The following ARHGAP24 variants were observed in gnomAD, a reference collection of about 807,000 sequenced individuals.
ARHGAP24 encodes Rho GTPase activating protein 24, also known as rho GTPase-activating protein 24.
Under a neutral mutation model 76.4 loss-of-function variants are expected in ARHGAP24, and 50 were observed. The ratio of observed to expected loss-of-function variants is 0.65; its 90% CI spans 0.52 to 0.83. ARHGAP24 has a LOEUF of 0.83. ARHGAP24 is among the 40% of genes least tolerant of loss of function. The pLI, the probability that ARHGAP24 is intolerant of heterozygous loss-of-function variation, is 0.00. For missense variants in ARHGAP24, 930 were observed against 914.2 expected (o/e 1.02, Z -0.22); for synonymous variants, 345 against 323.3 (o/e 1.07, Z -0.72).
intron 5 of ARHGAP24, among the ~76,000 whole-genome samples, chr4:85,964,863 G>A (rs918755171): frequency 2.0e-5 from 3 of 149,770 alleles, no homozygotes; most frequent in Non-Finnish European, 3.0e-5. Context: ...TTGTGTATAC[G>A]TGTGTGTGTG....
At chr4:85,600,496 A>G (rs1175468586) in intron 2 of ARHGAP24, among the ~76,000 whole-genome samples, 2 of 152,202 alleles carry the variant, frequency 1.3e-5, no homozygotes, top group Non-Finnish European at 2.9e-5. Context: ...GAGATGGGGC[A>G]TTCACCTTTC....
At chr4:85,899,459 A>C (rs1239003008) in intron 3 of ARHGAP24, among the ~76,000 whole-genome samples, 1 of 152,210 alleles carries the variant, frequency 6.6e-6, no homozygotes, top group African/African-American at 2.4e-5. Context: ...TTTTATATGA[A>C]TATTTTTATT....
intron 1 of ARHGAP24, among the ~76,000 whole-genome samples, chr4:85,502,373 T>C (rs1723857102): frequency 1.3e-5 from 2 of 152,208 alleles, no homozygotes; most frequent in Non-Finnish European, 2.9e-5. Context: ...TGTTCTTCCA[T>C]TTGTTTGTGT....
At chr4:85,740,259 G>T (rs1021184946) in intron 3 of ARHGAP24, among the ~76,000 whole-genome samples, 1 of 147,798 alleles carries the variant, frequency 6.8e-6, no homozygotes, top group Non-Finnish European at 1.5e-5. Flanking sequence ...TTCCTCTGTC[G>T]TCCAGGCTGC....
chr4:85,655,818 A>AGAGAGAGACAG, intron 2 of ARHGAP24, among the ~76,000 whole-genome samples: 1 of 35,506 alleles, frequency 2.8e-5, no homozygotes, highest in Non-Finnish European at 5.1e-5. Flanking sequence ...GAGAGAGAGA[A>AGAGAGAGACAG]AGAGAGAGAG....
intron 2 of ARHGAP24, among the ~76,000 whole-genome samples, chr4:85,689,916 G>A (rs1175104991): frequency 6.7e-6 from 1 of 150,328 alleles, no homozygotes. Context: ...TAGGAATGGT[G>A]AAAGTGGTCA....
intron 2 of ARHGAP24, among the ~76,000 whole-genome samples, chr4:85,589,067 A>T (rs948798663): frequency 1.3e-5 from 2 of 152,230 alleles, no homozygotes; most frequent in Non-Finnish European, 2.9e-5. Context: ...ATGTGGGCAT[A>T]TAATGAATAG....
intron 3 of ARHGAP24, among the ~76,000 whole-genome samples, chr4:85,869,982 A>G (rs1004749117): frequency 2.0e-5 from 3 of 152,156 alleles, no homozygotes; most frequent in Admixed American, 1.3e-4. Flanking sequence ...TAGTGTCTCA[A>G]CATTTCTGTA....
chr4:85,526,802 T>C (rs1483343320), intron 1 of ARHGAP24, among the ~76,000 whole-genome samples: 1 of 152,140 alleles, frequency 6.6e-6, no homozygotes, highest in African/African-American at 2.4e-5. Context: ...AATACAAACA[T>C]AAGGAAAAAA....
At chr4:85,706,550 T>C (rs1279086786) in intron 2 of ARHGAP24, among the ~76,000 whole-genome samples, 1 of 151,808 alleles carries the variant, frequency 6.6e-6, no homozygotes, top group Non-Finnish European at 1.5e-5. Context: ...TTCAAAAAGA[T>C]GTTGTTTTTG....
chr4:85,827,983 CTGGGTGCTTTGT>C, intron 3 of ARHGAP24: 1 of 1,289,594 alleles, frequency 7.8e-7, no homozygotes, highest in Non-Finnish European at 1.0e-6. Flanking sequence ...AAGGTGAGAG[CTGGGTGCTTTGT>C]TCTTAATTTG....
chr4:85,579,124 G>A (rs1226037296), intron 2 of ARHGAP24, among the ~76,000 whole-genome samples: 3 of 151,920 alleles, frequency 2.0e-5, no homozygotes, highest in East Asian at 1.9e-4. Flanking sequence ...TTGCAAAACC[G>A]GCTACCCCAG....
Position 85,766,683 on chromosome 4 carries a change from A to G in ARHGAP24, c.268+44711A>G, listed in dbSNP as rs1726943566. ...ATGAAAAATCTGCTGAGGTGAAAGC[A>G]TAAATAGGAGGAAATATAAAATTCC... On this transcript the variant is annotated intron_variant, in intron 3 of 9. Coordinates refer to ENST00000395184, the MANE Select transcript of ARHGAP24 (RefSeq NM_001025616.3). 1.3e-5 allele frequency among the ~76,000 whole-genome samples: 2 copies of G among 152,170 alleles called. 1 individual carries two copies. The highest frequency in any genetic ancestry group is 4.1e-4 in the South Asian group (2 of 4,836).
chr4:85,593,235 T>C (rs182137430), intron 2 of ARHGAP24, among the ~76,000 whole-genome samples: 110 of 152,294 alleles, frequency 7.2e-4, no homozygotes, highest in Admixed American at 5.8e-3. Flanking sequence ...TATAACTGTT[T>C]GCCATTTGTA....
At chr4:85,749,641 G>A (rs1050300904) in intron 3 of ARHGAP24, among the ~76,000 whole-genome samples, 4 of 152,088 alleles carry the variant, frequency 2.6e-5, no homozygotes, top group Admixed American at 6.5e-5. Flanking sequence ...GTGCAGTCTT[G>A]GCCCACTGCA....
At chr4:85,928,731 G>A (rs533959795) in intron 4 of ARHGAP24, among the ~76,000 whole-genome samples, 10 of 152,240 alleles carry the variant, frequency 6.6e-5, no homozygotes, top group African/African-American at 2.2e-4. Flanking sequence ...CAAAGTGCTG[G>A]GATTATAGGT....
At chr4:85,505,119 A>G (rs749528302) in intron 1 of ARHGAP24, among the ~76,000 whole-genome samples, 23 of 152,092 alleles carry the variant, frequency 1.5e-4, no homozygotes, top group Non-Finnish European at 7.4e-5. Flanking sequence ...TCCCTTTGTG[A>G]GTAACCAGAC....
At chr4:85,555,991 C>T (rs10023579) in intron 1 of ARHGAP24, among the ~76,000 whole-genome samples, 189 of 152,272 alleles carry the variant, frequency 1.2e-3, no homozygotes, top group African/African-American at 4.2e-3. Flanking sequence ...GACAGTACCA[C>T]TGCAATGGCA....
chr4:85,564,922 C>T lies in ARHGAP24; in HGVS notation c.-20-5600C>T, dbSNP rs556277434. On this transcript the variant is annotated intron_variant, in intron 1 of 9. Coordinates refer to ENST00000395184, the MANE Select transcript of ARHGAP24 (RefSeq NM_001025616.3). ...ACCCCTGCTCTAGGCAGAACACACACGGTATATATATATATATATATATAT... is the reference window on the plus strand; with the variant it reads ...ACCCCTGCTCTAGGCAGAACACACATGGTATATATATATATATATATATAT... Among the ~76,000 whole-genome samples the T allele has an allele frequency of 4.6e-4, 36 of 79,066 alleles. 1 individual carries two copies. The highest frequency in any genetic ancestry group is 0.013 in the Middle Eastern group (2 of 158). The allele number at this position is 79,066 out of a possible 152,430, so 51.9% of individuals were successfully genotyped here. A position where few individuals can be genotyped will look rare whatever the true frequency, so the allele number is the denominator to read the frequency against.
Sources: allele counts gnomAD v4.1 joint callset (sites outside exome capture counted in the v4.1 genomes callset), GRCh38; gene constraint gnomAD v4.1.1; transcripts MANE v1.5; gene names NCBI Gene and HGNC (gene_info 2026-07-23, HGNC 2026-07-21).